VWF: variants seen among roughly 807,000 people sequenced by gnomAD.
The protein encoded by VWF is von Willebrand factor.
A neutral mutation model predicts 308.6 loss-of-function variants in VWF; 176 were observed. That is an observed-to-expected ratio of 0.57 (90% CI 0.50 to 0.65). The LOEUF (loss-of-function observed/expected upper bound fraction) is 0.65, where lower values mean the gene tolerates loss of function less well. Ranked by LOEUF, VWF falls within the 30% of genes least tolerant of loss-of-function variation. The pLI, the probability that VWF is intolerant of heterozygous loss-of-function variation, is 0.00. For missense variants in VWF, 3,146 were observed against 3,648.2 expected, an observed-to-expected ratio of 0.86 and a Z score of 3.55; for synonymous variants, 1,385 against 1,443.4, an observed-to-expected ratio of 0.96 and a Z score of 0.92.
At chr12:6,055,727 A>G (rs1944569501) in intron 15 of VWF, among the ~76,000 whole-genome samples, 1 of 147,864 alleles carries the variant, frequency 6.8e-6, no homozygotes, top group African/African-American at 2.5e-5. Flanking sequence ...TCCTCTTCCA[A>G]CAGGACCATC....
At chr12:6,012,401 G>T (rs1216111021) in intron 32 of VWF, among the ~76,000 whole-genome samples, 2 of 152,202 alleles carry the variant, frequency 1.3e-5, no homozygotes, top group Non-Finnish European at 2.9e-5. Flanking sequence ...TCATTATCTT[G>T]GTTCACATGT....
At chr12:5,979,901 C>T (rs1284577146) in intron 42 of VWF, among the ~76,000 whole-genome samples, 1 of 146,530 alleles carries the variant, frequency 6.8e-6, no homozygotes, top group African/African-American at 2.5e-5. Flanking sequence ...ATTAGCCGGG[C>T]GTGGTGGCGG....
intron 6 of VWF, among the ~76,000 whole-genome samples, chr12:6,090,502 G>A (rs986861192): frequency 1.3e-5 from 2 of 152,186 alleles, no homozygotes; most frequent in Non-Finnish European, 2.9e-5. Context: ...AAAGCCCGGC[G>A]TGTGCTTGTC....
chr12:6,058,177 C>G lies in VWF; in HGVS notation c.1534-133G>C. The G allele has an allele frequency of 9.4e-7, 1 of 1,061,332 alleles. No individual in the cohort carries two copies. Among genetic ancestry groups the G allele is most frequent in the Non-Finnish European group, 1.3e-6 (1 of 742,938 alleles). The allele number at this position is 1,061,332 out of a possible 1,614,324, so 65.7% of individuals were successfully genotyped here. On this transcript the variant is annotated intron_variant, in intron 13 of 51. Transcript: ENST00000261405. This position sits in a 1 kb window ranked among gnomAD's most constrained non-coding sequence, Gnocchi z 4.9. ...ACATAAATATGAATGTAATAAAAGG[C>G]AGCTAAGCCCTAGGCTGCAAAAGGG...
intron 5 of VWF, among the ~76,000 whole-genome samples, chr12:6,107,703 G>C (rs1945258812): frequency 6.6e-6 from 1 of 151,956 alleles, no homozygotes; most frequent in South Asian, 2.1e-4. Context: ...CTGTCGCCCA[G>C]GCTGGAGTGC....
chr12:5,982,077 T>G, intron 41 of VWF, 86 bp from the exon 42 acceptor site: 2 of 1,319,606 alleles, frequency 1.5e-6, no homozygotes, highest in South Asian at 2.5e-5. Flanking sequence ...CCAGGGAGCT[T>G]TAGACTCAGA....
intron 43 of VWF, among the ~76,000 whole-genome samples, chr12:5,972,393 T>C (rs1354794713): frequency 6.6e-6 from 1 of 152,150 alleles, no homozygotes; most frequent in African/African-American, 2.4e-5. Context: ...CTGAAAAGTC[T>C]ATAGAAAGAA....
chr12:6,056,893 C>A lies in VWF; in HGVS notation c.1909G>T (p.Gly637Cys). ...GGCTCGCGCCACGCGACGCGCACGCCTCTCCCCGCGCAGGCCGCGGCATAG... is the reference window on the plus strand; with the variant it reads ...GGCTCGCGCCACGCGACGCGCACGCATCTCCCCGCGCAGGCCGCGGCATAG... ...ASYAAACAGR[G>C]VRVAWREPGR... Residue 637 changes from glycine to cysteine, a missense_variant, in exon 15 of 52, where the codon GGC (glycine) becomes TGC (cysteine). By Grantham distance (159) the Gly-to-Cys change is radical. Around this residue, in one of 3 missense-constraint regions of VWF, gnomAD observed 1,304 missense variants for 1,353.0 expected, o/e 0.96. Transcript: ENST00000261405. 6.6e-7 allele frequency: 1 copy of A among 1,515,850 alleles called. No individual in the cohort carries two copies. The highest frequency in any genetic ancestry group is 1.2e-5 in the South Asian group (1 of 81,566). The allele number at this position is 1,515,850 out of a possible 1,614,324, so 93.9% of individuals were successfully genotyped here. A position where few individuals can be genotyped will look rare whatever the true frequency, so the allele number is the denominator to read the frequency against.
chr12:6,000,428 T>C (rs1943857839), intron 34 of VWF, among the ~76,000 whole-genome samples: 1 of 152,232 alleles, frequency 6.6e-6, no homozygotes. Context: ...TCAGCCAAGG[T>C]GCCCTTCTAG....
chr12:6,026,064 G>A lies in VWF; in HGVS notation c.2968-18C>T. 3 of 1,613,964 alleles carry A rather than the reference G, an allele frequency of 1.9e-6. No homozygotes were observed. The highest frequency in any genetic ancestry group is 2.5e-6 in the Non-Finnish European group (3 of 1,179,862). On this transcript the variant is annotated intron_variant, in intron 22 of 51. Transcript: ENST00000261405. ...ACTTTCTCCTTGAGAGACAAGTTGA[G>A]GGATGAGCACCGTCAAGCCCAGGAG...
chr12:6,087,171 G>A (rs1481801914), intron 6 of VWF, among the ~76,000 whole-genome samples: 1 of 152,034 alleles, frequency 6.6e-6, no homozygotes, highest in Non-Finnish European at 1.5e-5. Context: ...GCCAGACCAG[G>A]AGAAACCAGA....
chr12:5,964,270 ACATG>A (rs748545908), intron 47 of VWF, among the ~76,000 whole-genome samples: 5,484 of 138,886 alleles, frequency 0.039, 344 homozygotes, highest in African/African-American at 0.16. Flanking sequence ...ATACATACAT[ACATG>A]CATACATACA....
chr12:6,073,783 A>C (rs1591901147), intron 7 of VWF, 42 bp from the exon 8 acceptor site: 2 of 1,612,550 alleles, frequency 1.2e-6, no homozygotes, highest in South Asian at 1.1e-5. Flanking sequence ...GGCAGGTCCC[A>C]CCGGTGCATC....
At position 6,023,624 on chromosome 12, in the gene VWF, T is replaced by G. The variant is rs113446850; in HGVS notation, c.3379+7A>C. 27,474 of 1,613,554 alleles carry G rather than the reference T, an allele frequency of 0.017. 3,816 individuals are homozygous for G. In the African/African-American group the frequency reaches 0.31, roughly 18 times the overall value. ...GCATCTGAGAACATGAGGGCGTCAG[T>G]ACTCACGGCACAATGTGGCCGTCCT... is the stretch of plus-strand genomic sequence containing the variant. On this transcript the variant is annotated splice_region_variant and intron_variant, in intron 25 of 51. Transcript: ENST00000261405.
At position 5,983,895 on chromosome 12, in the gene VWF, G is replaced by A. The variant is rs147179658; in HGVS notation, c.6977-641C>T. 7.4e-3 allele frequency among the ~76,000 whole-genome samples: 1,121 copies of A among 151,726 alleles called. 13 individuals are homozygous for A. Among genetic ancestry groups the A allele is most frequent in the South Asian group, 0.042 (201 of 4,802 alleles). On this transcript the variant is annotated intron_variant, in intron 40 of 51. Coordinates refer to ENST00000261405, the MANE Select transcript of VWF (RefSeq NM_000552.5). ...ATGATAGATACATAGGATAGATAGA[G>A]ACAGGATAGATGATAAATAGATACA... is the stretch of plus-strand genomic sequence containing the variant.
intron 32 of VWF, among the ~76,000 whole-genome samples, chr12:6,013,039 T>TA (rs1944016393): frequency 6.6e-6 from 1 of 152,198 alleles, no homozygotes; most frequent in Non-Finnish European, 1.5e-5. Flanking sequence ...AAAATCAACT[T>TA]AAACTATGGT....
intron 5 of VWF, among the ~76,000 whole-genome samples, chr12:6,108,788 T>C (rs1393515698): frequency 6.6e-6 from 1 of 151,994 alleles, no homozygotes; most frequent in Admixed American, 6.6e-5. Flanking sequence ...GAGACCACCC[T>C]GGCTAACACA....
chr12:5,979,742 A>C (rs1490746513), intron 42 of VWF, among the ~76,000 whole-genome samples: 1 of 145,860 alleles, frequency 6.9e-6, no homozygotes, highest in African/African-American at 2.5e-5. Context: ...GAGCGACTCA[A>C]AAAAAAAAGA....
intron 5 of VWF, among the ~76,000 whole-genome samples, chr12:6,100,887 C>CATA (rs1337154795): frequency 2.0e-5 from 3 of 151,518 alleles, no homozygotes; most frequent in South Asian, 2.1e-4. Context: ...AAACTTAAAG[C>CATA]ATAATAATAA....
Sources: allele counts gnomAD v4.1 joint callset (sites outside exome capture counted in the v4.1 genomes callset), GRCh38; gene constraint gnomAD v4.1.1; regional missense constraint gnomAD v4.1.1; non-coding constraint Gnocchi (gnomAD v3.1); transcripts MANE v1.5; gene names NCBI Gene and HGNC (gene_info 2026-07-23, HGNC 2026-07-21).